The following EIF4H variants were observed in gnomAD, a reference collection of about 807,000 sequenced individuals.
EIF4H encodes the protein Williams-Beuren syndrome chromosome region 1.
A neutral mutation model predicts 30.6 loss-of-function variants in EIF4H; 8 were observed. That is an observed-to-expected ratio of 0.26 (90% confidence interval 0.15 to 0.47). The LOEUF (loss-of-function observed/expected upper bound fraction) is 0.47, where lower values mean the gene tolerates loss of function less well. EIF4H is among the 20% of genes least tolerant of loss of function. The probability of loss-of-function intolerance (pLI) is 0.99; values close to 1 mark genes in which losing one functional copy is unlikely to be tolerated. For missense variants in EIF4H, 188 were observed against 339.5 expected (o/e 0.55, Z 3.51); for synonymous variants, 106 against 122.7 (o/e 0.86, Z 0.90).
At chr7:74,193,077 T>C (rs1554710196) in intron 5 of EIF4H, among the ~76,000 whole-genome samples, 1 of 152,204 alleles carries the variant, frequency 6.6e-6, no homozygotes, top group African/African-American at 2.4e-5. Flanking sequence ...AAGTAGTCTG[T>C]GGTGCCATCA....
intron 5 of EIF4H, among the ~76,000 whole-genome samples, 191 bp downstream of exon 5, chr7:74,190,497 G>A (rs887445220): frequency 2.6e-5 from 4 of 152,082 alleles, no homozygotes; most frequent in South Asian, 4.1e-4. Flanking sequence ...TGAGCCCCAT[G>A]CACCTTGTGT....
chr7:74,185,138 T>C (rs1801053187), intron 1 of EIF4H, among the ~76,000 whole-genome samples: 1 of 151,824 alleles, frequency 6.6e-6, no homozygotes, highest in Non-Finnish European at 1.5e-5. Flanking sequence ...ACTACAAGTG[T>C]GGACCATCAC....
intron 1 of EIF4H, chr7:74,183,777 G>GTACTCTGGGGTACTCACATCCTATGTGA (rs1801018690): frequency 6.6e-6 from 1 of 152,102 alleles, no homozygotes; most frequent in Admixed American, 6.6e-5. Context: ...TATGTGATGT[G>GTACTCTGGGGTACTCACATCCTATGTGA]TACTCTGGGG....
At chr7:74,187,382 G>A (rs1801108936) in intron 1 of EIF4H, among the ~76,000 whole-genome samples, 1 of 152,208 alleles carries the variant, frequency 6.6e-6, no homozygotes, top group Non-Finnish European at 1.5e-5. Context: ...AGTGAGCCAA[G>A]ATTGTGCCAC....
intron 1 of EIF4H, 62 bp downstream of exon 1, chr7:74,174,504 G>C: frequency 8.0e-7 from 1 of 1,248,244 alleles, no homozygotes; most frequent in Non-Finnish European, 1.0e-6. Context: ...GGGGCCGTCA[G>C]GGTGGCGGCC....
chr7:74,178,557 A>AG (rs1187920923), intron 1 of EIF4H, among the ~76,000 whole-genome samples: 1 of 152,088 alleles, frequency 6.6e-6, no homozygotes, highest in African/African-American at 2.4e-5. Flanking sequence ...AAAAAAAAAA[A>AG]AGAAAAATTA....
chr7:74,192,151 C>A lies in EIF4H; in HGVS notation c.469+1845C>A, dbSNP rs543235208. Among the ~76,000 whole-genome samples, 5 of 152,254 alleles carry A rather than the reference C, an allele frequency of 3.3e-5. No individual in the cohort carries two copies. The South Asian group carries it at 1.0e-3, about 32-fold the overall frequency. Reference sequence around the variant, plus strand: ...CGTGGTGTGAGCTATTTGTTTCACGCTAGACATTGGTGGTCGAAATCATTT... The same window carrying A: ...CGTGGTGTGAGCTATTTGTTTCACGATAGACATTGGTGGTCGAAATCATTT... On this transcript the variant is annotated intron_variant, in intron 5 of 6. Coordinates refer to ENST00000265753, the MANE Select transcript of EIF4H (RefSeq NM_022170.2).
rs138932705 is a variant in EIF4H, at chr7:74,187,671, C to A, written c.120C>A (p.Pro40=). The A allele has an allele frequency of 9.2e-5, 149 of 1,613,544 alleles. No individual in the cohort carries two copies. Among genetic ancestry groups the A allele is most frequent in the Non-Finnish European group, 9.0e-5 (106 of 1,179,646 alleles). Residue 40 remains proline (P), a synonymous_variant, in exon 2 of 7, where the codon CCC becomes CCA. Coordinates refer to ENST00000265753, the MANE Select transcript of EIF4H (RefSeq NM_022170.2). ...SRSQKELPTE[P]PYTAYVGNLP... ...GCCAGAAGGAGTTGCCCACAGAGCC[C>A]CCCTACACAGCATACGTAGGAAATC... is the stretch of plus-strand genomic sequence containing the variant.
chr7:74,181,312 T>C (rs1800955646), intron 1 of EIF4H, among the ~76,000 whole-genome samples: 10 of 152,210 alleles, frequency 6.6e-5, no homozygotes, highest in Admixed American at 6.5e-4. Context: ...TTTTTTAAAT[T>C]TTAATCCTCA....
At chr7:74,191,255 AT>A (rs1554709912) in intron 5 of EIF4H, 1 of 534,060 alleles carries the variant, frequency 1.9e-6, no homozygotes, top group East Asian at 5.5e-5. Context: ...TCAATCTGTA[AT>A]TTTATGTATA....
At chr7:74,175,064 T>A (rs1212772420) in intron 1 of EIF4H, among the ~76,000 whole-genome samples, 6 of 152,252 alleles carry the variant, frequency 3.9e-5, no homozygotes, top group African/African-American at 1.4e-4. Flanking sequence ...TAATCTTTCT[T>A]GGGTCACAGT....
rs782808583 is a variant in EIF4H at position 74,190,337 on chromosome 7, T to G, written c.469+31T>G. On this transcript the variant is annotated intron_variant, in intron 5 of 6. Coordinates refer to ENST00000265753, the MANE Select transcript of EIF4H (RefSeq NM_022170.2). The stretch of plus-strand genomic sequence containing the variant: ...AGTATTTAAAGTATCACCACTTAAT[T>G]TTTCCTAGGAGCCTTGCTGCTGTTC... 3 of 1,607,238 alleles carry G rather than the reference T, an allele frequency of 1.9e-6. No individual in the cohort carries two copies. In the African/African-American group the frequency reaches 4.0e-5, roughly 21 times the overall value.
chr7:74,187,440 T>C (rs1285611176), intron 1 of EIF4H, among the ~76,000 whole-genome samples, 171 bp from the exon 2 acceptor site: 1 of 152,138 alleles, frequency 6.6e-6, no homozygotes, highest in African/African-American at 2.4e-5. Context: ...CAAAAAATTT[T>C]TCTTTTCCTT....
At chr7:74,193,041 A>C (rs1801260611) in intron 5 of EIF4H, among the ~76,000 whole-genome samples, 1 of 152,162 alleles carries the variant, frequency 6.6e-6, no homozygotes, top group African/African-American at 2.4e-5. Flanking sequence ...AATAGTGTTA[A>C]CATTGAACTC....
At chr7:74,188,193 C>G (rs1801131502) in intron 2 of EIF4H, among the ~76,000 whole-genome samples, 1 of 152,150 alleles carries the variant, frequency 6.6e-6, no homozygotes, top group Non-Finnish European at 1.5e-5. Context: ...TACTGTCATC[C>G]AGTAATCATA....
chr7:74,174,737 G>A (rs1477373264), intron 1 of EIF4H, among the ~76,000 whole-genome samples: 1 of 152,218 alleles, frequency 6.6e-6, no homozygotes, highest in Admixed American at 6.5e-5. Context: ...GCCCGGAGAC[G>A]AGCGCCCGCT....
chr7:74,194,122 C>T (rs1801287021), intron 5 of EIF4H, among the ~76,000 whole-genome samples: 3 of 152,200 alleles, frequency 2.0e-5, no homozygotes, highest in South Asian at 2.1e-4. Flanking sequence ...CAGGAGGCGC[C>T]GGTGGGGGTG....
At chr7:74,194,482 G>A (rs1217161966) in intron 5 of EIF4H, among the ~76,000 whole-genome samples, 1 of 152,134 alleles carries the variant, frequency 6.6e-6, no homozygotes, top group African/African-American at 2.4e-5. Context: ...TTTCATGCAA[G>A]CTGAGCATGT....
chr7:74,185,255 A>G (rs1452270035), intron 1 of EIF4H, among the ~76,000 whole-genome samples: 1 of 151,956 alleles, frequency 6.6e-6, no homozygotes, highest in Non-Finnish European at 1.5e-5. Flanking sequence ...AGCCTCCCAA[A>G]CTGTTGGGAT....
Sources: gnomAD v4.1 joint callset for allele counts (sites outside exome capture counted in the v4.1 genomes callset) on GRCh38, gnomAD v4.1.1 for gene constraint, MANE v1.5 for transcripts, NCBI Gene and HGNC (gene_info 2026-07-23, HGNC 2026-07-21) for gene names.